The following SPINK9 variants were observed in gnomAD, a reference collection of about 807,000 sequenced individuals.
SPINK9 encodes the protein serine protease inhibitor Kazal-type 9.
A neutral mutation model predicts 10.8 loss-of-function variants in SPINK9; 3 were observed. The observed-to-expected ratio is 0.28, with a 90% confidence interval of 0.13 to 0.72. SPINK9 has a LOEUF of 0.72. SPINK9 is among the 30% of genes least tolerant of loss of function. SPINK9 has a pLI of 0.74. For missense variants in SPINK9, 101 were observed against 103.2 expected, an observed-to-expected ratio of 0.98 and a Z score of 0.09; for synonymous variants, 30 against 31.2, an observed-to-expected ratio of 0.96 and a Z score of 0.12.
At chr5:148,328,137 A>T (rs963540044) in intron 2 of SPINK9, among the ~76,000 whole-genome samples, 4 of 152,214 alleles carry the variant, frequency 2.6e-5, no homozygotes, top group African/African-American at 9.6e-5. Context: ...CCTATCCATG[A>T]GCAAGGAATG....
chr5:148,338,068 T>C (rs530184392), intron 2 of SPINK9, among the ~76,000 whole-genome samples: 1 of 152,252 alleles, frequency 6.6e-6, no homozygotes, highest in Admixed American at 6.5e-5. Context: ...TATCCCTACA[T>C]TTCACACTTG....
chr5:148,327,304 C>G (rs1757076659), intron 2 of SPINK9, among the ~76,000 whole-genome samples: 1 of 152,148 alleles, frequency 6.6e-6, no homozygotes, highest in African/African-American at 2.4e-5. Flanking sequence ...GCATAAATGT[C>G]TTCTTTTGAG....
chr5:148,328,431 A>G (rs2113414168), intron 2 of SPINK9, among the ~76,000 whole-genome samples: 1 of 152,324 alleles, frequency 6.6e-6, no homozygotes, highest in Non-Finnish European at 1.5e-5. Context: ...CTAGATATAC[A>G]AGCATGTCAT....
exon 2 of SPINK9, chr5:148,323,770 CTCA>C (rs1292151111): frequency 2.9e-6 from 2 of 700,606 alleles, no homozygotes; most frequent in South Asian, 3.0e-5. Flanking sequence ...ATGAATCCTT[CTCA>C]TCATTGTTTT....
chr5:148,327,822 G>T (rs1172400169), intron 2 of SPINK9, among the ~76,000 whole-genome samples: 3 of 152,178 alleles, frequency 2.0e-5, no homozygotes, highest in Non-Finnish European at 4.4e-5. Context: ...TTGTAGATAT[G>T]TGGCATTATT....
intron 2 of SPINK9, among the ~76,000 whole-genome samples, chr5:148,337,357 T>G (rs1757230456): frequency 6.6e-6 from 1 of 152,160 alleles, no homozygotes; most frequent in Non-Finnish European, 1.5e-5. Flanking sequence ...TATCTTTGCA[T>G]CAGCTCCACT....
chr5:148,337,341 CA>C (rs1341306457), intron 2 of SPINK9, among the ~76,000 whole-genome samples: 1 of 152,138 alleles, frequency 6.6e-6, no homozygotes, highest in African/African-American at 2.4e-5. Context: ...TTATGCCATG[CA>C]TACCTATCTT....
intron 2 of SPINK9, among the ~76,000 whole-genome samples, chr5:148,326,003 A>C (rs1428881446): frequency 2.0e-5 from 3 of 152,180 alleles, no homozygotes; most frequent in Admixed American, 2.0e-4. Context: ...CACCCTTGTC[A>C]AAAATCAATT....
At chr5:148,325,696 G>A (rs768614294) in intron 2 of SPINK9, among the ~76,000 whole-genome samples, 1 of 151,996 alleles carries the variant, frequency 6.6e-6, no homozygotes, top group Non-Finnish European at 1.5e-5. Context: ...CTCATTCTGT[G>A]AGCTGTCCTT....
intron 2 of SPINK9, among the ~76,000 whole-genome samples, chr5:148,329,653 T>C (rs779410177): frequency 6.6e-6 from 1 of 152,216 alleles, no homozygotes; most frequent in Non-Finnish European, 1.5e-5. Context: ...GTGCTATAAA[T>C]TTCCCTCTAC....
At chr5:148,335,200 A>G (rs1757200419), upstream of SPINK9, among the ~76,000 whole-genome samples, 2 of 152,208 alleles carry the variant, frequency 1.3e-5, no homozygotes, top group Admixed American at 6.5e-5. Flanking sequence ...AGCCTTTATT[A>G]AAGAATTCAA....
chr5:148,336,738 C>T (rs1379229365), intron 2 of SPINK9, among the ~76,000 whole-genome samples: 1 of 152,122 alleles, frequency 6.6e-6, no homozygotes, highest in Non-Finnish European at 1.5e-5. Context: ...AGACTTGAAG[C>T]CATAGTATTT....
intron 2 of SPINK9, among the ~76,000 whole-genome samples, chr5:148,325,730 T>G (rs1757050687): frequency 2.0e-5 from 3 of 152,194 alleles, no homozygotes; most frequent in African/African-American, 7.2e-5. Flanking sequence ...CTTTCAATTT[T>G]CATAATGTCC....
At chr5:148,336,882 C>T (rs1363872705) in intron 2 of SPINK9, among the ~76,000 whole-genome samples, 2 of 152,114 alleles carry the variant, frequency 1.3e-5, no homozygotes, top group Admixed American at 1.3e-4. Flanking sequence ...TTTAGCCTTC[C>T]ATTCATGACT....
rs371639872 is a variant in SPINK9 at position 148,323,393 on chromosome 5, T to C, written c.-72-286T>C. ...TAATTTTAGCTTGTAAGGCAATAGA[T>C]GTATATTATTAAGAATTATGATGGC... On this transcript the variant is annotated intron_variant, in intron 1 of 4. Coordinates refer to the SPINK9 transcript ENST00000511717. 9.9e-5 allele frequency among the ~76,000 whole-genome samples: 15 copies of C among 152,278 alleles called. No individual in the cohort carries two copies. In the East Asian group the frequency reaches 2.7e-3, roughly 27 times the overall value.
chr5:148,328,132 C>T (rs1757093702), intron 2 of SPINK9, among the ~76,000 whole-genome samples: 1 of 152,206 alleles, frequency 6.6e-6, no homozygotes, highest in African/African-American at 2.4e-5. Flanking sequence ...TTCTTCCTAT[C>T]CATGAGCAAG....
intron 3 of SPINK9, 96 bp downstream of exon 3, chr5:148,338,701 T>A: frequency 2.2e-6 from 2 of 917,930 alleles, no homozygotes; most frequent in Non-Finnish European, 3.2e-6. Flanking sequence ...AATATGTGAA[T>A]CATATCATAC....
At chr5:148,332,137 T>C (rs1437412316), upstream of SPINK9, among the ~76,000 whole-genome samples, 2 of 152,226 alleles carry the variant, frequency 1.3e-5, no homozygotes, top group African/African-American at 2.4e-5. Flanking sequence ...AGTTATAAAC[T>C]TAAAAAGGTG....
At chr5:148,330,235 A>C (rs2113416461) in intron 2 of SPINK9, among the ~76,000 whole-genome samples, 1 of 152,196 alleles carries the variant, frequency 6.6e-6, no homozygotes, top group Non-Finnish European at 1.5e-5. Flanking sequence ...CTTCTTGTTG[A>C]ATTGATCCCT....
Sources: allele counts gnomAD v4.1 joint callset (sites outside exome capture counted in the v4.1 genomes callset), GRCh38; gene constraint gnomAD v4.1.1; transcripts MANE v1.5; gene names NCBI Gene and HGNC (gene_info 2026-07-23, HGNC 2026-07-21).